GGACT: variants seen among roughly 807,000 people sequenced by gnomAD.
GGACT encodes gamma-glutamylamine cyclotransferase.
For missense variants in GGACT, 241 were observed against 233.2 expected (o/e 1.03, Z -0.22); for synonymous variants, 118 against 115.3 (o/e 1.02, Z -0.15).
chr13:100,587,901 C>G (rs1306314675), intron 1 of GGACT, among the ~76,000 whole-genome samples: 6 of 152,164 alleles, frequency 3.9e-5, no homozygotes, highest in Admixed American at 3.9e-4. Context: ...TAGCAGGCGC[C>G]TGTAATCCCA....
At chr13:100,567,190 C>T (rs9554706) in intron 2 of GGACT, among the ~76,000 whole-genome samples, 76,285 of 152,050 alleles carry the variant, frequency 0.5, 19,923 homozygotes, top group South Asian at 0.73. Context: ...GGCTTCTCCA[C>T]AGAGAAGTTA....
chr13:100,548,788 C>A (rs1288688578), intron 2 of GGACT, among the ~76,000 whole-genome samples: 2 of 152,258 alleles, frequency 1.3e-5, no homozygotes, highest in South Asian at 4.1e-4. Flanking sequence ...AAGAGGCCTT[C>A]CTGGCCCAGG....
chr13:100,547,219 G>A (rs1229859533), intron 2 of GGACT, among the ~76,000 whole-genome samples: 1 of 152,136 alleles, frequency 6.6e-6, no homozygotes, highest in Non-Finnish European at 1.5e-5. Context: ...GTGCAGAGTA[G>A]CCAGGCGGGA....
intron 2 of GGACT, among the ~76,000 whole-genome samples, chr13:100,553,539 T>A (rs1443796102): frequency 6.6e-6 from 1 of 151,768 alleles, no homozygotes; most frequent in Non-Finnish European, 1.5e-5. Context: ...GCAGGACAAG[T>A]TTACCTGAAG....
In GGACT at chr13:100,546,132, G is replaced by A. The variant is rs375429386; in HGVS notation, c.-10-13531C>T. 1.7e-4 allele frequency among the ~76,000 whole-genome samples: 26 copies of A among 152,218 alleles called. No individual in the cohort carries two copies. The East Asian group carries it at 3.5e-3, about 20-fold the overall frequency. On this transcript the variant is annotated intron_variant, in intron 2 of 2. Coordinates refer to ENST00000683975, the MANE Select transcript of GGACT (RefSeq NM_001195087.2). ...TGCCAGCACTTTGGGAGGCCGAGGC[G>A]GGTGGATCACGAGGACAGGAGATCG...
chr13:100,588,522 G>A (rs1875651506), intron 1 of GGACT: 1 of 152,102 alleles, frequency 6.6e-6, no homozygotes, highest in South Asian at 2.1e-4. Flanking sequence ...GGGCAATGGA[G>A]GACGCGTTTC....
At chr13:100,572,747 G>A (rs1244516075) in intron 2 of GGACT, among the ~76,000 whole-genome samples, 49 of 152,086 alleles carry the variant, frequency 3.2e-4, no homozygotes. Flanking sequence ...ACATTTTTCA[G>A]ATGATGTAAG....
chr13:100,558,648 T>C (rs770024132), intron 2 of GGACT, among the ~76,000 whole-genome samples: 14 of 152,172 alleles, frequency 9.2e-5, no homozygotes, highest in African/African-American at 2.9e-4. Flanking sequence ...CTTTGGGGAA[T>C]AGACCCAAGA....
chr13:100,561,518 T>C (rs1449907091), intron 2 of GGACT, among the ~76,000 whole-genome samples: 1 of 147,166 alleles, frequency 6.8e-6, no homozygotes, highest in Non-Finnish European at 1.5e-5. Context: ...ACAGAAGGCT[T>C]TCCTGGACAT....
chr13:100,532,122 C>G lies in GGACT; in HGVS notation c.*8G>C. The G allele has an allele frequency of 7.0e-7, 1 of 1,437,500 alleles. No individual in the cohort carries two copies. The highest frequency in any genetic ancestry group is 1.5e-5 in the South Asian group (1 of 65,022). The allele number at this position is 1,437,500 out of a possible 1,614,324, so 89.0% of individuals were successfully genotyped here. ...CTCTCAAACCTAGGCCCACCCTGCC[C>G]GTCCCCCTTATCTGTTCTCCCGGGG... On this transcript the variant is annotated 3_prime_UTR_variant, in exon 3 of 3. Coordinates refer to ENST00000683975, the MANE Select transcript of GGACT (RefSeq NM_001195087.2).
chr13:100,572,129 C>T lies in GGACT; in HGVS notation c.-11+11696G>A, dbSNP rs1046913510. On this transcript the variant is annotated intron_variant, in intron 2 of 2. Coordinates refer to ENST00000683975, the MANE Select transcript of GGACT (RefSeq NM_001195087.2). ...TTCCCAGCATCAGCCAAGGGTTGGA[C>T]GCAACCCAAGTGTCCACTGACAGAG... Among the ~76,000 whole-genome samples, 8 of 152,178 alleles carry T rather than the reference C, an allele frequency of 5.3e-5. No individual in the cohort carries two copies. The South Asian group carries it at 1.0e-3, about 20-fold the overall frequency.
At chr13:100,558,866 G>A (rs1297264997) in intron 2 of GGACT, among the ~76,000 whole-genome samples, 2 of 152,076 alleles carry the variant, frequency 1.3e-5, no homozygotes, top group African/African-American at 4.8e-5. Context: ...TGGTCAGAGA[G>A]CACACATTCA....
chr13:100,559,575 ACCTCTGCCTC>A (rs1187556259), intron 2 of GGACT, among the ~76,000 whole-genome samples: 60 of 151,780 alleles, frequency 4.0e-4, no homozygotes, highest in African/African-American at 1.4e-3. Context: ...GCTCACTGCA[ACCTCTGCCTC>A]CTGGGTTCAA....
chr13:100,541,985 A>C (rs2088558847), intron 2 of GGACT, among the ~76,000 whole-genome samples: 1 of 152,222 alleles, frequency 6.6e-6, no homozygotes, highest in Non-Finnish European at 1.5e-5. Context: ...CTGTCATAAG[A>C]AAAACTTCAT....
At chr13:100,533,989 G>A (rs1340667009) in intron 2 of GGACT, among the ~76,000 whole-genome samples, 2 of 152,218 alleles carry the variant, frequency 1.3e-5, no homozygotes, top group Admixed American at 1.3e-4. Flanking sequence ...CCAGGAAACA[G>A]CAGCGGCTCG....
chr13:100,557,483 C>T (rs552394639), intron 2 of GGACT, among the ~76,000 whole-genome samples: 1 of 152,240 alleles, frequency 6.6e-6, no homozygotes, highest in East Asian at 1.9e-4. Flanking sequence ...GTAGGGTCAA[C>T]TGTTTTCAAT....
intron 2 of GGACT, chr13:100,538,450 CACATA>C (rs2088519123): frequency 1.3e-5 from 2 of 152,302 alleles, no homozygotes; most frequent in East Asian, 3.9e-4. Flanking sequence ...TGATAAAATA[CACATA>C]ACATAAAATT....
intron 2 of GGACT, among the ~76,000 whole-genome samples, chr13:100,552,174 A>G (rs1284702351): frequency 1.3e-5 from 2 of 152,194 alleles, no homozygotes; most frequent in African/African-American, 4.8e-5. Context: ...AGAAAATTCA[A>G]TGGATGGGGG....
intron 2 of GGACT, among the ~76,000 whole-genome samples, chr13:100,580,399 G>C (rs1360531703): frequency 1.3e-5 from 2 of 152,214 alleles, no homozygotes; most frequent in Non-Finnish European, 2.9e-5. Context: ...ACACAGCAGA[G>C]CCGGGAGGTG....
Sources: allele counts gnomAD v4.1 joint callset (sites outside exome capture counted in the v4.1 genomes callset), GRCh38; gene constraint gnomAD v4.1.1; transcripts MANE v1.5; gene names NCBI Gene and HGNC (gene_info 2026-07-23, HGNC 2026-07-21).